Variants in CNTN4 observed in about 807,000 individuals in gnomAD.
CNTN4 encodes contactin-4.
CNTN4 carries 77 observed loss-of-function variants against 122.5 expected under a neutral mutation model. That is an observed-to-expected ratio of 0.63 (90% CI 0.52 to 0.76). The LOEUF (loss-of-function observed/expected upper bound fraction) is 0.76. CNTN4 is among the 30% of genes least tolerant of loss of function. The probability of loss-of-function intolerance (pLI) is 0.00; values close to 1 mark genes in which losing one functional copy is unlikely to be tolerated. For missense variants in CNTN4, 1,256 were observed against 1,259.1 expected (o/e 1.00, Z 0.04); for synonymous variants, 512 against 447.0 (o/e 1.15, Z -1.83).
At position 2,698,665 on chromosome 3, in the gene CNTN4, T is replaced by C. The variant is rs139555034; in HGVS notation, c.56-37550T>C. On this transcript the variant is annotated intron_variant, in intron 4 of 24. Transcript: ENST00000418658. ...AAGTTACTTAGCTCCTGGCCTCATA[T>C]CTATTTCATCATGCTATTTAGGCAT... is the stretch of plus-strand genomic sequence containing the variant. Among the ~76,000 whole-genome samples the C allele has an allele frequency of 7.2e-5, 11 of 152,320 alleles. No individual in the cohort carries two copies. In the East Asian group the frequency reaches 2.1e-3, roughly 29 times the overall value.
At position 2,338,265 on chromosome 3, in the gene CNTN4, T is replaced by TTTTGC. The variant is rs1479428354; in HGVS notation, c.-144-913_-144-912insTTTGC. ...AGTAAAGGTAGTTAGGTATTTAATATAGAGATGAATTATTTTGCAATTCAG... is the reference window on the plus strand; with the variant it reads ...AGTAAAGGTAGTTAGGTATTTAATATTTTGCAGAGATGAATTATTTTGCAATTCAG... On this transcript the variant is annotated intron_variant, in intron 2 of 24. Transcript: ENST00000418658. Among the ~76,000 whole-genome samples, 168 of 152,148 alleles carry TTTTGC rather than the reference T, an allele frequency of 1.1e-3. 1 individual carries two copies. The highest frequency in any genetic ancestry group is 3.9e-3 in the African/African-American group (160 of 41,552).
intron 2 of CNTN4, among the ~76,000 whole-genome samples, chr3:2,274,235 T>C (rs547154962): frequency 9.2e-5 from 14 of 152,112 alleles, no homozygotes; most frequent in Non-Finnish European, 1.9e-4. Context: ...ATAAAAAAAT[T>C]AGCCAGGTGT....
chr3:2,789,285 A>C (rs1267325285), intron 6 of CNTN4, among the ~76,000 whole-genome samples: 1 of 152,234 alleles, frequency 6.6e-6, no homozygotes, highest in Non-Finnish European at 1.5e-5. Flanking sequence ...GTAATTCCTA[A>C]TCCAAGGAGC....
At chr3:2,909,320 A>G (rs1412383319) in intron 12 of CNTN4, among the ~76,000 whole-genome samples, 3 of 152,208 alleles carry the variant, frequency 2.0e-5, no homozygotes, top group Non-Finnish European at 4.4e-5. Flanking sequence ...ACGTACCAGT[A>G]GTAGGAGGAT....
chr3:2,976,013 G>GA (rs1693385227), intron 13 of CNTN4, among the ~76,000 whole-genome samples: 1 of 152,084 alleles, frequency 6.6e-6, no homozygotes, highest in Non-Finnish European at 1.5e-5. Flanking sequence ...AGCAATTTAA[G>GA]AAACAAATTT....
chr3:2,955,290 T>C (rs572443875), intron 13 of CNTN4, among the ~76,000 whole-genome samples: 3 of 152,296 alleles, frequency 2.0e-5, no homozygotes, highest in South Asian at 4.1e-4. Context: ...CACCTAAATC[T>C]TATTTATTAG....
intron 2 of CNTN4, among the ~76,000 whole-genome samples, chr3:2,197,593 A>G (rs531055902): frequency 2.6e-5 from 4 of 152,254 alleles, no homozygotes; most frequent in South Asian, 2.1e-4. Flanking sequence ...TATCTCATCA[A>G]TGGTCAGATC....
intron 4 of CNTN4, among the ~76,000 whole-genome samples, chr3:2,574,990 A>G (rs2079594967): frequency 6.6e-6 from 1 of 152,112 alleles, no homozygotes; most frequent in Admixed American, 6.5e-5. Flanking sequence ...CTAGTCCACC[A>G]CTTTGTGACA....
At chr3:2,240,675 A>G (rs2039896090) in intron 2 of CNTN4, among the ~76,000 whole-genome samples, 1 of 151,834 alleles carries the variant, frequency 6.6e-6, no homozygotes, top group Non-Finnish European at 1.5e-5. Flanking sequence ...GTTTAGGAAA[A>G]CTATGTAACT....
At chr3:2,568,969 C>G (rs1318644687) in intron 3 of CNTN4, among the ~76,000 whole-genome samples, 2 of 152,118 alleles carry the variant, frequency 1.3e-5, no homozygotes, top group Non-Finnish European at 2.9e-5. Flanking sequence ...GATGACATTT[C>G]TCTCACAAAA....
chr3:2,960,730 G>A (rs1252450726), intron 13 of CNTN4, among the ~76,000 whole-genome samples: 2 of 152,152 alleles, frequency 1.3e-5, no homozygotes, highest in African/African-American at 2.4e-5. Flanking sequence ...CAGGTTGATT[G>A]CAGTAATGGC....
chr3:2,177,670 G>GTGTGTT (rs2036816882), intron 2 of CNTN4, among the ~76,000 whole-genome samples: 1 of 151,466 alleles, frequency 6.6e-6, no homozygotes, highest in African/African-American at 2.4e-5. Context: ...GTGTGTGTGT[G>GTGTGTT]TGTGTGTGTG....
At chr3:2,983,839 C>A (rs981217040) in intron 13 of CNTN4, among the ~76,000 whole-genome samples, 1 of 152,138 alleles carries the variant, frequency 6.6e-6, no homozygotes, top group Non-Finnish European at 1.5e-5. Flanking sequence ...CTTCATATTA[C>A]CCCCACATTT....
intron 23 of CNTN4, among the ~76,000 whole-genome samples, chr3:3,052,894 G>A (rs7636300): frequency 6.6e-6 from 1 of 152,174 alleles, no homozygotes; most frequent in Non-Finnish European, 1.5e-5. Context: ...TCTAAGAGTC[G>A]TGATCATAAC....
chr3:2,113,632 G>A (rs1163574360), intron 2 of CNTN4, among the ~76,000 whole-genome samples: 1 of 152,124 alleles, frequency 6.6e-6, no homozygotes. Flanking sequence ...CAATACTATA[G>A]GATGAAGGAT....
chr3:2,515,417 T>G (rs192394419), intron 3 of CNTN4, among the ~76,000 whole-genome samples: 1,871 of 152,294 alleles, frequency 0.012, 13 homozygotes, highest in Non-Finnish European at 0.017. Flanking sequence ...TTAAAGAGCT[T>G]GATTTTTAAA....
At chr3:2,750,317 T>A (rs1396076803) in intron 6 of CNTN4, among the ~76,000 whole-genome samples, 1 of 152,236 alleles carries the variant, frequency 6.6e-6, no homozygotes, top group African/African-American at 2.4e-5. Context: ...CAGAAGATAG[T>A]CTTATAAGGT....
chr3:2,665,940 G>T (rs962033944), intron 4 of CNTN4, among the ~76,000 whole-genome samples: 4 of 152,162 alleles, frequency 2.6e-5, no homozygotes, highest in Non-Finnish European at 5.9e-5. Context: ...ATTAGTCAAA[G>T]ATTTTATCTC....
At chr3:2,895,533 A>G (rs940993556) in intron 10 of CNTN4, among the ~76,000 whole-genome samples, 3 of 152,282 alleles carry the variant, frequency 2.0e-5, no homozygotes, top group East Asian at 1.9e-4. Flanking sequence ...TATCCTTGCT[A>G]TCCGTGCTAT....
Sources: gnomAD v4.1 joint callset for allele counts (sites outside exome capture counted in the v4.1 genomes callset) on GRCh38, gnomAD v4.1.1 for gene constraint, MANE v1.5 for transcripts, NCBI Gene and HGNC (gene_info 2026-07-23, HGNC 2026-07-21) for gene names.